The following MRTFB variants were observed in gnomAD, a reference collection of about 807,000 sequenced individuals.
The protein encoded by MRTFB is myocardin related transcription factor B.
MRTFB carries 29 observed loss-of-function variants against 104.2 expected under a neutral mutation model. The ratio of observed to expected loss-of-function variants is 0.28; its 90% confidence interval spans 0.21 to 0.38. The LOEUF is 0.38. Ranked by LOEUF, MRTFB falls within the 10% of genes least tolerant of loss-of-function variation. The probability of loss-of-function intolerance (pLI) is 1.00; values close to 1 mark genes in which losing one functional copy is unlikely to be tolerated. For synonymous variants in MRTFB, 535 were observed against 519.5 expected (o/e 1.03, Z -0.41); for missense variants, 1,270 against 1,341.6 (o/e 0.95, Z 0.83).
At chr16:14,017,091 C>G in the MRTFB span, among the ~76,000 whole-genome samples, 2 of 135,680 alleles carry the variant, frequency 1.5e-5, no homozygotes, top group East Asian at 2.2e-4. Context: ...GAGTCTCGCT[C>G]TGTTGCCCAG....
intron 3 of MRTFB, among the ~76,000 whole-genome samples, chr16:14,203,721 T>C (rs2040816081): frequency 6.7e-6 from 1 of 148,648 alleles, no homozygotes; most frequent in Non-Finnish European, 1.5e-5. Context: ...CAAGAATCAC[T>C]TGAACCCAGG....
At chr16:14,070,921 T>C (rs1314845999), upstream of MRTFB, among the ~76,000 whole-genome samples, 3 of 152,180 alleles carry the variant, frequency 2.0e-5, no homozygotes, top group Non-Finnish European at 4.4e-5. Flanking sequence ...AGGCTGGTAA[T>C]ACCCACTTTG....
At position 14,177,159 on chromosome 16, in the gene MRTFB, C is replaced by T. The variant is rs35508222; in HGVS notation, c.155-33084C>T. Among the ~76,000 whole-genome samples, 9,486 of 152,156 alleles carry T rather than the reference C, an allele frequency of 0.062. 372 individuals are homozygous for T. Among genetic ancestry groups the T allele is most frequent in the Non-Finnish European group, 0.09 (6,107 of 67,982 alleles). The stretch of plus-strand genomic sequence containing the variant: ...GGAACATGTAGGGAGTTAATAACGC[C>T]GGTCAGGAAGGTGGGAGACAAAGCA... On this transcript the variant is annotated intron_variant, in intron 3 of 16. Transcript: ENST00000571589. This position sits in a 1 kb window ranked among gnomAD's most constrained non-coding sequence, Gnocchi z 4.7.
At chr16:14,114,655 C>T (rs1464945120) in intron 2 of MRTFB, among the ~76,000 whole-genome samples, 2 of 152,156 alleles carry the variant, frequency 1.3e-5, no homozygotes, top group Non-Finnish European at 2.9e-5. Flanking sequence ...CAGTTTCTTC[C>T]TCTCTGTAGT....
chr16:14,063,396 A>G, the MRTFB span, among the ~76,000 whole-genome samples: 1 of 152,220 alleles, frequency 6.6e-6, no homozygotes, highest in South Asian at 2.1e-4. Context: ...ACATGTGCAG[A>G]TTGGTTCTAT....
the MRTFB span, among the ~76,000 whole-genome samples, chr16:14,062,569 G>A: frequency 5.9e-5 from 9 of 152,160 alleles, no homozygotes; most frequent in South Asian, 2.1e-4. Context: ...CACTACCCCC[G>A]GTGAGCCCCT....
intron 3 of MRTFB, chr16:14,142,245 CTT>C (rs71999049): frequency 1.1e-4 from 13 of 122,168 alleles, no homozygotes; most frequent in South Asian, 2.8e-4. Flanking sequence ...TCTTTTCTTT[CTT>C]TTTTTTTTTT....
At chr16:14,099,364 CGTGGGTTTTTTTG>C (rs1298877548) in intron 2 of MRTFB, among the ~76,000 whole-genome samples, 2 of 145,650 alleles carry the variant, frequency 1.4e-5, no homozygotes, top group Admixed American at 1.4e-4. Context: ...TATAAAATTA[CGTGGGTTTTTTTG>C]GTGGGTTTTT....
intron 12 of MRTFB, chr16:14,247,710 T>C (rs1474008521): frequency 1.7e-6 from 1 of 583,916 alleles, no homozygotes; most frequent in Non-Finnish European, 3.0e-6. Flanking sequence ...ACAGGATGCT[T>C]TTCTAGTCCT....
intron 2 of MRTFB, among the ~76,000 whole-genome samples, chr16:14,094,629 G>GC (rs1224364205): frequency 6.6e-6 from 1 of 152,160 alleles, no homozygotes; most frequent in African/African-American, 2.4e-5. Context: ...GTTTCACCCT[G>GC]CATCTCAAAG....
At chr16:14,231,790 C>T (rs929231698) in intron 8 of MRTFB, among the ~76,000 whole-genome samples, 1 of 152,134 alleles carries the variant, frequency 6.6e-6, no homozygotes, top group Admixed American at 6.5e-5. Context: ...CCCCTTGATA[C>T]GGTCTAAGTG....
At chr16:14,072,836 A>G (rs1449241846) in intron 1 of MRTFB, among the ~76,000 whole-genome samples, 1 of 152,240 alleles carries the variant, frequency 6.6e-6, no homozygotes, top group East Asian at 1.9e-4. Context: ...ATACGTAAAT[A>G]TTAGCACAAG....
At chr16:14,058,516 C>T in the MRTFB span, among the ~76,000 whole-genome samples, 1 of 151,786 alleles carries the variant, frequency 6.6e-6, no homozygotes, top group Admixed American at 6.6e-5. Flanking sequence ...GGTACTGTCT[C>T]AGATGTGTCA....
chr16:14,031,017 G>A, the MRTFB span, among the ~76,000 whole-genome samples: 1 of 152,150 alleles, frequency 6.6e-6, no homozygotes, highest in South Asian at 2.1e-4. Context: ...GGAATGTCTT[G>A]CAATGCACAG....
At chr16:14,031,737 C>A in the MRTFB span, among the ~76,000 whole-genome samples, 1 of 152,120 alleles carries the variant, frequency 6.6e-6, no homozygotes, top group African/African-American at 2.4e-5. Flanking sequence ...CCTGAAATAG[C>A]CTCAGGGTAA....
intron 2 of MRTFB, among the ~76,000 whole-genome samples, chr16:14,085,406 G>A (rs151074563): frequency 0.03 from 4,287 of 141,210 alleles, 223 homozygotes; most frequent in African/African-American, 0.11. Flanking sequence ...GCAGTGAGCC[G>A]AGATCGCACC....
chr16:14,255,675 G>A (rs2043449642), intron 15 of MRTFB, among the ~76,000 whole-genome samples: 1 of 152,122 alleles, frequency 6.6e-6, no homozygotes, highest in Non-Finnish European at 1.5e-5. Context: ...AAAGGATGGG[G>A]GAGGAAATGA....
chr16:14,087,084 G>GA (rs1219574369), intron 2 of MRTFB, among the ~76,000 whole-genome samples: 10 of 151,124 alleles, frequency 6.6e-5, no homozygotes, highest in Non-Finnish European at 1.0e-4. Flanking sequence ...CTAACCCTAG[G>GA]AAAAAAAAAT....
chr16:14,204,488 G>C (rs2040854030), intron 3 of MRTFB, among the ~76,000 whole-genome samples: 2 of 152,130 alleles, frequency 1.3e-5, no homozygotes, highest in South Asian at 4.1e-4. Context: ...CATTGGATAA[G>C]CTACCTTTCA....
Sources: gnomAD v4.1 joint callset for allele counts (sites outside exome capture counted in the v4.1 genomes callset) on GRCh38, gnomAD v4.1.1 for gene constraint, Gnocchi (gnomAD v3.1) non-coding constraint, MANE v1.5 for transcripts, NCBI Gene and HGNC (gene_info 2026-07-23, HGNC 2026-07-21) for gene names.